The following SLC6A3 variants were observed in gnomAD, a reference collection of about 807,000 sequenced individuals.
The protein encoded by SLC6A3 is sodium-dependent dopamine transporter.
A neutral mutation model predicts 70.4 loss-of-function variants in SLC6A3; 19 were observed. The ratio of observed to expected loss-of-function variants is 0.27; its 90% CI spans 0.19 to 0.40. The LOEUF (loss-of-function observed/expected upper bound fraction) is 0.40. Among genes scored for constraint, SLC6A3 ranks in the 10% least tolerant of loss-of-function variants. The pLI, the probability that SLC6A3 is intolerant of heterozygous loss-of-function variation, is 1.00. For synonymous variants in SLC6A3, 368 were observed against 356.6 expected, an observed-to-expected ratio of 1.03 and a Z score of -0.36; for missense variants, 613 against 838.5, an observed-to-expected ratio of 0.73 and a Z score of 3.32.
At chr5:1,422,757 A>T (rs2735914) in intron 4 of SLC6A3, among the ~76,000 whole-genome samples, 14 of 13,824 alleles carry the variant, frequency 1.0e-3, no homozygotes, top group Admixed American at 4.0e-3. Context: ...GTGCTGCCCA[A>T]GGTGCTGGGT....
chr5:1,394,828 A>G lies in SLC6A3; in HGVS notation c.1840-70T>C, dbSNP rs955624787. On this transcript the variant is annotated intron_variant, in intron 14 of 14. Coordinates refer to ENST00000270349, the MANE Select transcript of SLC6A3 (RefSeq NM_001044.5). This position sits in a 1 kb window ranked among gnomAD's most constrained non-coding sequence, Gnocchi z 4.7. ...CATTTAAGAGCAGCTGAAGGTGGCT[A>G]AGAGCAGCTGAAGGCAGTGAGCAGA... The G allele has an allele frequency of 2.6e-6, 4 of 1,562,848 alleles. No individual in the cohort carries two copies. In the African/African-American group the frequency reaches 5.4e-5, roughly 21 times the overall value.
At position 1,408,442 on chromosome 5, in the gene SLC6A3, A is replaced by G. The variant is rs1756038651; in HGVS notation, c.1498+584T>C. On this transcript the variant is annotated intron_variant, in intron 11 of 14. Coordinates refer to ENST00000270349, the MANE Select transcript of SLC6A3 (RefSeq NM_001044.5). This position sits in a 1 kb window ranked among gnomAD's most constrained non-coding sequence, Gnocchi z 6.4. ...GGCACTCCTGCCCATTTTACAGAAG[A>G]GAGAACTAAGGGGAGTCGAGGTGAC... Among the ~76,000 whole-genome samples, 1 of 152,008 alleles carries G rather than the reference A, an allele frequency of 6.6e-6. No homozygotes were observed. Among genetic ancestry groups the G allele is most frequent in the Non-Finnish European group, 1.5e-5 (1 of 67,986 alleles).
chr5:1,440,072 A>G (rs2126408994), intron 3 of SLC6A3, among the ~76,000 whole-genome samples: 1 of 152,356 alleles, frequency 6.6e-6, no homozygotes, highest in South Asian at 2.1e-4. Flanking sequence ...ATGGTGCCAG[A>G]GCAGGACATC....
chr5:1,423,006 C>CCA (rs762986220), intron 4 of SLC6A3, among the ~76,000 whole-genome samples: 2 of 66,634 alleles, frequency 3.0e-5, no homozygotes, highest in Non-Finnish European at 5.4e-5. Context: ...CCACTGCTGC[C>CCA]CAGTGCTGCC....
intron 14 of SLC6A3, among the ~76,000 whole-genome samples, chr5:1,395,492 G>A (rs1261526965): frequency 6.6e-6 from 1 of 152,210 alleles, no homozygotes; most frequent in Middle Eastern, 3.2e-3. Context: ...GCTACCACTG[G>A]CCACACCACA....
chr5:1,442,840 G>C lies in SLC6A3; in HGVS notation c.286+72C>G. 6.7e-7 allele frequency: 1 copy of C among 1,491,634 alleles called. No homozygotes were observed. The allele number at this position is 1,491,634 out of a possible 1,614,324, so 92.4% of individuals were successfully genotyped here. On this transcript the variant is annotated intron_variant, in intron 2 of 14. Coordinates refer to ENST00000270349, the MANE Select transcript of SLC6A3 (RefSeq NM_001044.5). This position sits in a 1 kb window ranked among gnomAD's most constrained non-coding sequence, Gnocchi z 5.0. ...GAACAGCTTCATCTCGTTTCCGTACGTGCCTTGGCCCCGGCTGCCCCTACG... is the reference window on the plus strand; with the variant it reads ...GAACAGCTTCATCTCGTTTCCGTACCTGCCTTGGCCCCGGCTGCCCCTACG...
intron 3 of SLC6A3, among the ~76,000 whole-genome samples, chr5:1,435,284 G>A (rs1756802611): frequency 6.6e-6 from 1 of 152,236 alleles, no homozygotes; most frequent in East Asian, 1.9e-4. Flanking sequence ...ATTGTTTCCA[G>A]AGAGCACTGT....
At chr5:1,445,175 G>A (rs1733771341) in intron 1 of SLC6A3, among the ~76,000 whole-genome samples, 173 bp downstream of exon 1, 1 of 152,166 alleles carries the variant, frequency 6.6e-6, no homozygotes, top group Non-Finnish European at 1.5e-5. Context: ...CCCATGTGGC[G>A]CTATCGGGGG....
rs114661095 is a variant in SLC6A3, at chr5:1,429,720, G to A, written c.653+2744C>T. Among the ~76,000 whole-genome samples the A allele has an allele frequency of 4.6e-3, 708 of 152,298 alleles. 8 individuals carry two copies. Among genetic ancestry groups the A allele is most frequent in the African/African-American group, 0.017 (690 of 41,564 alleles). On this transcript the variant is annotated intron_variant, in intron 4 of 14. Coordinates refer to ENST00000270349, the MANE Select transcript of SLC6A3 (RefSeq NM_001044.5). ...CCGGGAACTCTCAGGCTCTTGCCCT[G>A]GTGGCACCTCTGCGGCCACTGCCCC... is the stretch of plus-strand genomic sequence containing the variant.
At chr5:1,425,051 T>C (rs57212133) in intron 4 of SLC6A3, among the ~76,000 whole-genome samples, 28,038 of 152,212 alleles carry the variant, frequency 0.18, 2,922 homozygotes, top group South Asian at 0.23. Context: ...AGGTGTTTCA[T>C]AAGCCATAAT....
chr5:1,418,533 C>T (rs1756359314), intron 6 of SLC6A3, among the ~76,000 whole-genome samples: 2 of 152,142 alleles, frequency 1.3e-5, no homozygotes, highest in South Asian at 4.1e-4. Context: ...GTGTATGTAT[C>T]TATCTCCATC....
chr5:1,427,029 G>A (rs188855641), intron 4 of SLC6A3, among the ~76,000 whole-genome samples: 15 of 152,304 alleles, frequency 9.8e-5, no homozygotes, highest in African/African-American at 2.6e-4. Flanking sequence ...GCAAGTCTAC[G>A]CTATGAGAAA....
At position 1,430,047 on chromosome 5, in the gene SLC6A3, C is replaced by T. The variant is rs527732479; in HGVS notation, c.653+2417G>A. ...CCAGACTCTCCCACGACCTTGCCTG[C>T]AGCTGCGCTTCCTATGGCGATGCTC... On this transcript the variant is annotated intron_variant, in intron 4 of 14. Transcript: ENST00000270349. Among the ~76,000 whole-genome samples, 200 of 152,314 alleles carry T rather than the reference C, an allele frequency of 1.3e-3. 1 individual carries two copies. The highest frequency in any genetic ancestry group is 1.8e-3 in the Non-Finnish European group (122 of 68,026).
intron 4 of SLC6A3, among the ~76,000 whole-genome samples, chr5:1,424,845 A>G (rs1332817589): frequency 6.6e-6 from 1 of 152,176 alleles, no homozygotes; most frequent in Non-Finnish European, 1.5e-5. Context: ...CCCACAGACA[A>G]TTTAGAGAAC....
intron 14 of SLC6A3, among the ~76,000 whole-genome samples, chr5:1,400,666 G>T (rs1755827240): frequency 6.6e-6 from 1 of 152,182 alleles, no homozygotes; most frequent in Non-Finnish European, 1.5e-5. Flanking sequence ...TCTTTGCAGG[G>T]ACCATGCTTT....
intron 10 of SLC6A3, 149 bp downstream of exon 10, chr5:1,409,572 T>C (rs1300210402): frequency 1.1e-6 from 1 of 908,748 alleles, no homozygotes; most frequent in Non-Finnish European, 1.8e-6. Flanking sequence ...CCCTGTGCAC[T>C]GCTACGAGTC....
In SLC6A3 at chr5:1,441,348, C is replaced by A; in HGVS notation, c.418+11G>T. ...GCTGCGCCAGGGTGAAGGGAGGCACCCGCATATTACCTTTCAGTATGGGGC... is the reference window on the plus strand; with the variant it reads ...GCTGCGCCAGGGTGAAGGGAGGCACACGCATATTACCTTTCAGTATGGGGC... On this transcript the variant is annotated intron_variant, in intron 3 of 14. Coordinates refer to ENST00000270349, the MANE Select transcript of SLC6A3 (RefSeq NM_001044.5). 3.1e-6 allele frequency: 5 copies of A among 1,614,208 alleles called. No homozygotes were observed. The highest frequency in any genetic ancestry group is 4.2e-6 in the Non-Finnish European group (5 of 1,180,036).
At position 1,442,139 on chromosome 5, in the gene SLC6A3, C is replaced by T. The variant is rs546544131; in HGVS notation, c.287-649G>A. 8.5e-5 allele frequency among the ~76,000 whole-genome samples: 13 copies of T among 152,302 alleles called. No homozygotes were observed. The highest frequency in any genetic ancestry group is 4.1e-4 in the South Asian group (2 of 4,828). On this transcript the variant is annotated intron_variant, in intron 2 of 14. Coordinates refer to ENST00000270349, the MANE Select transcript of SLC6A3 (RefSeq NM_001044.5). This position sits in a 1 kb window ranked among gnomAD's most constrained non-coding sequence, Gnocchi z 5.0. ...ACTGGAGTGAGGGAGAGCTTTGCCA[C>T]TCTCTCTCCTGGGGAAGGGGAGGGG...
At position 1,405,758 on chromosome 5, in the gene SLC6A3, C is replaced by T. The variant is rs927280238; in HGVS notation, c.1599+430G>A. Among the ~76,000 whole-genome samples the T allele has an allele frequency of 3.3e-5, 5 of 152,254 alleles. No homozygotes were observed. Among genetic ancestry groups the T allele is most frequent in the East Asian group, 1.9e-4 (1 of 5,196 alleles). ...TGCTGCTGAGCCAGAGGGAGGCTTGCGTGAGCAACGGGACAGGGCCGAGGC... is the reference window on the plus strand; with the variant it reads ...TGCTGCTGAGCCAGAGGGAGGCTTGTGTGAGCAACGGGACAGGGCCGAGGC... On this transcript the variant is annotated intron_variant, in intron 12 of 14. Coordinates refer to ENST00000270349, the MANE Select transcript of SLC6A3 (RefSeq NM_001044.5). The surrounding 1 kb of genome is among the most constrained non-coding windows in gnomAD (Gnocchi z 5.3).
Sources: gnomAD v4.1 joint callset for allele counts (sites outside exome capture counted in the v4.1 genomes callset) on GRCh38, gnomAD v4.1.1 for gene constraint, Gnocchi (gnomAD v3.1) non-coding constraint, MANE v1.5 for transcripts, NCBI Gene and HGNC (gene_info 2026-07-23, HGNC 2026-07-21) for gene names.